EXOC4: variants seen among roughly 807,000 people sequenced by gnomAD.
EXOC4 encodes the protein SEC8-like 1.
In EXOC4, 71 loss-of-function variants were observed where a neutral mutation model predicts 107.2. The ratio of observed to expected loss-of-function variants is 0.66; its 90% confidence interval spans 0.55 to 0.81. The LOEUF is 0.81. EXOC4 is among the 30% of genes least tolerant of loss of function. The pLI, the probability that EXOC4 is intolerant of heterozygous loss-of-function variation, is 0.00. For synonymous variants in EXOC4, 456 were observed against 441.2 expected, an observed-to-expected ratio of 1.03 and a Z score of -0.42; for missense variants, 1,108 against 1,189.6, an observed-to-expected ratio of 0.93 and a Z score of 1.01.
At chr7:133,518,293 CT>C (rs933439412) in intron 9 of EXOC4, among the ~76,000 whole-genome samples, 46 of 146,126 alleles carry the variant, frequency 3.1e-4, no homozygotes, top group East Asian at 1.2e-3. Flanking sequence ...CCCCCACCCC[CT>C]TTTTTTTTTC....
chr7:133,972,462 T>C (rs1801264856), intron 14 of EXOC4, among the ~76,000 whole-genome samples: 2 of 152,208 alleles, frequency 1.3e-5, no homozygotes, highest in Admixed American at 6.5e-5. Flanking sequence ...ACTTTCTGGA[T>C]TAGGGAGTTC....
intron 10 of EXOC4, among the ~76,000 whole-genome samples, chr7:133,767,109 G>T (rs1319432854): frequency 1.3e-5 from 2 of 150,522 alleles, no homozygotes; most frequent in Non-Finnish European, 3.0e-5. Flanking sequence ...CTCTTACCTG[G>T]TTTTTTTTTC....
Position 133,536,909 on chromosome 7 carries a change from G to A in EXOC4, c.1417+56771G>A, listed in dbSNP as rs144218404. On this transcript the variant is annotated intron_variant, in intron 9 of 17. Transcript: ENST00000253861. ...GTAAGACATATGCTTCTCTTTGGAAGTTGCCCACACTGACTAACTCTTAGA... is the reference window on the plus strand; with the variant it reads ...GTAAGACATATGCTTCTCTTTGGAAATTGCCCACACTGACTAACTCTTAGA... Among the ~76,000 whole-genome samples, 46 of 152,208 alleles carry A rather than the reference G, an allele frequency of 3.0e-4. 1 individual carries two copies. The highest frequency in any genetic ancestry group is 1.1e-3 in the African/African-American group (46 of 41,532).
chr7:133,410,009 T>C (rs1437696787), intron 7 of EXOC4, among the ~76,000 whole-genome samples: 1 of 152,214 alleles, frequency 6.6e-6, no homozygotes, highest in Admixed American at 6.5e-5. Flanking sequence ...GATTAGAGAC[T>C]GAGTATACAG....
intron 9 of EXOC4, among the ~76,000 whole-genome samples, chr7:133,561,070 T>A (rs754110552): frequency 1.3e-5 from 2 of 152,196 alleles, no homozygotes; most frequent in Non-Finnish European, 2.9e-5. Context: ...ATGTACCTGG[T>A]TGAGGCAAGA....
the EXOC4 span, among the ~76,000 whole-genome samples, chr7:134,081,296 T>C: frequency 2.2e-4 from 34 of 152,112 alleles, no homozygotes; most frequent in African/African-American, 7.0e-4. Context: ...TGAGCTGAGA[T>C]TGCGCCACTG....
At chr7:133,901,738 A>G (rs982091507) in intron 12 of EXOC4, among the ~76,000 whole-genome samples, 1 of 152,170 alleles carries the variant, frequency 6.6e-6, no homozygotes, top group Non-Finnish European at 1.5e-5. Flanking sequence ...TATTCCACAT[A>G]TTTCATAATC....
chr7:133,740,493 T>TA (rs958994190), intron 10 of EXOC4, among the ~76,000 whole-genome samples: 4 of 152,096 alleles, frequency 2.6e-5, no homozygotes, highest in Non-Finnish European at 4.4e-5. Context: ...GAGTCTCTGT[T>TA]AAAAAAATTA....
At chr7:133,497,429 T>G (rs1039005600) in intron 9 of EXOC4, among the ~76,000 whole-genome samples, 11 of 137,582 alleles carry the variant, frequency 8.0e-5, no homozygotes, top group African/African-American at 3.0e-4. Context: ...TCTGTCAGTG[T>G]TTTTTTTTTT....
At chr7:133,326,896 G>A (rs1043325139) in intron 5 of EXOC4, among the ~76,000 whole-genome samples, 4 of 152,190 alleles carry the variant, frequency 2.6e-5, no homozygotes, top group Admixed American at 1.3e-4. Flanking sequence ...CCTACTCAAG[G>A]CTCAGCAATG....
intron 14 of EXOC4, among the ~76,000 whole-genome samples, chr7:133,939,803 G>A (rs371739493): frequency 2.0e-5 from 3 of 152,130 alleles, no homozygotes; most frequent in Non-Finnish European, 2.9e-5. Context: ...GGAGGTATCC[G>A]TAAAGGCCCC....
At chr7:133,735,945 C>T (rs1458915379) in intron 10 of EXOC4, among the ~76,000 whole-genome samples, 1 of 151,954 alleles carries the variant, frequency 6.6e-6, no homozygotes, top group East Asian at 1.9e-4. Context: ...TAAAAATTAG[C>T]CTGGTGTGGT....
intron 3 of EXOC4, among the ~76,000 whole-genome samples, chr7:133,296,370 T>G (rs1794519467): frequency 6.6e-6 from 1 of 152,074 alleles, no homozygotes; most frequent in Non-Finnish European, 1.5e-5. Flanking sequence ...GGGGTAGGGA[T>G]AGTGTGGTTT....
chr7:133,407,085 C>T (rs1025534086), intron 7 of EXOC4, among the ~76,000 whole-genome samples: 3 of 152,178 alleles, frequency 2.0e-5, no homozygotes, highest in Non-Finnish European at 4.4e-5. Context: ...CCAGCTTTAG[C>T]AAGAATCCTG....
chr7:133,793,386 A>G (rs2151186969), intron 10 of EXOC4, among the ~76,000 whole-genome samples: 1 of 152,240 alleles, frequency 6.6e-6, no homozygotes, highest in African/African-American at 2.4e-5. Context: ...CAGTTTACTC[A>G]TGGCGTCGGG....
At chr7:133,763,345 T>C (rs770640515) in intron 10 of EXOC4, among the ~76,000 whole-genome samples, 2 of 152,152 alleles carry the variant, frequency 1.3e-5, no homozygotes, top group Non-Finnish European at 2.9e-5. Flanking sequence ...TCTGTATCCC[T>C]TTCACCTAGC....
In EXOC4 at chr7:134,062,832, A is replaced by ACCTTCAT. The variant is rs1185774402; in HGVS notation, c.2688-1457_2688-1451dup. On this transcript the variant is annotated intron_variant, in intron 17 of 17. Coordinates refer to ENST00000253861, the MANE Select transcript of EXOC4 (RefSeq NM_021807.4). ...TCATCTTCTCCCCTTCCTGACTCCC[A>ACCTTCAT]CCTTCATCTTCCTGCTGCATTGAAG... Among the ~76,000 whole-genome samples, 3 of 152,092 alleles carry ACCTTCAT rather than the reference A, an allele frequency of 2.0e-5. No individual in the cohort carries two copies. In the East Asian group the frequency reaches 5.8e-4, roughly 29 times the overall value.
At chr7:133,515,025 A>T (rs1239384012) in intron 9 of EXOC4, among the ~76,000 whole-genome samples, 1 of 152,162 alleles carries the variant, frequency 6.6e-6, no homozygotes, top group Non-Finnish European at 1.5e-5. Context: ...ATTATTCTTA[A>T]TATATTAATG....
chr7:133,325,085 A>G (rs932200029), intron 5 of EXOC4, among the ~76,000 whole-genome samples: 1 of 151,944 alleles, frequency 6.6e-6, no homozygotes, highest in Non-Finnish European at 1.5e-5. Context: ...CCATCCCTCT[A>G]TTTTGAGCCT....
Sources: allele counts gnomAD v4.1 joint callset (sites outside exome capture counted in the v4.1 genomes callset), GRCh38; gene constraint gnomAD v4.1.1; transcripts MANE v1.5; gene names NCBI Gene and HGNC (gene_info 2026-07-23, HGNC 2026-07-21).